Variants in EIF2S2 observed in about 807,000 individuals in gnomAD.
The protein encoded by EIF2S2 is eukaryotic translation initiation factor 2 subunit 2.
In EIF2S2, 4 loss-of-function variants were observed where a neutral mutation model predicts 44.0. The observed-to-expected ratio is 0.09, with a 90% CI of 0.04 to 0.21. EIF2S2 has a LOEUF of 0.21. EIF2S2 is among the 10% of genes least tolerant of loss of function. EIF2S2 has a pLI of 1.00. For synonymous variants in EIF2S2, 108 were observed against 128.3 expected, an observed-to-expected ratio of 0.84 and a Z score of 1.07; for missense variants, 154 against 392.0, an observed-to-expected ratio of 0.39 and a Z score of 5.13.
At chr20:34,099,218 A>T (rs951052890) in intron 3 of EIF2S2, among the ~76,000 whole-genome samples, 17 of 152,048 alleles carry the variant, frequency 1.1e-4, no homozygotes, top group African/African-American at 3.9e-4. Flanking sequence ...AAGATACAAA[A>T]ATTAGCTGGA....
At chr20:34,099,142 G>A (rs894565515) in intron 3 of EIF2S2, among the ~76,000 whole-genome samples, 3 of 152,204 alleles carry the variant, frequency 2.0e-5, no homozygotes, top group African/African-American at 7.2e-5. Context: ...CGTCGAGGCA[G>A]GTGGATCCCT....
At position 34,112,156 on chromosome 20, in the gene EIF2S2, T is replaced by A. The variant is rs913433641; in HGVS notation, c.-46A>T. 6.6e-7 allele frequency: 1 copy of A among 1,518,948 alleles called. No individual in the cohort carries two copies. The highest frequency in any genetic ancestry group is 8.9e-7 in the Non-Finnish European group (1 of 1,127,178). The allele number at this position is 1,518,948 out of a possible 1,614,324, so 94.1% of individuals were successfully genotyped here. On this transcript the variant is annotated 5_prime_UTR_variant, in exon 1 of 9. Transcript: ENST00000374980. ...CGGCACGGACGGGAAGTCAGACGGGTCAGCCCCAGGCCCCGGCGGCAGCGC... is the reference window on the plus strand; with the variant it reads ...CGGCACGGACGGGAAGTCAGACGGGACAGCCCCAGGCCCCGGCGGCAGCGC...
At chr20:34,090,646 C>G (rs2122386984) in intron 7 of EIF2S2, 44 bp from the exon 8 acceptor site, 3 of 1,184,190 alleles carry the variant, frequency 2.5e-6, no homozygotes, top group East Asian at 2.6e-5. Context: ...TTGTTTTTTC[C>G]TAAAGGAACC....
chr20:34,103,182 C>T (rs1170161508), intron 3 of EIF2S2, among the ~76,000 whole-genome samples: 1 of 152,174 alleles, frequency 6.6e-6, no homozygotes, highest in African/African-American at 2.4e-5. Context: ...AATAGTTCTC[C>T]ACAGCCAAAA....
At chr20:34,091,386 C>G (rs1313870241) in intron 7 of EIF2S2, among the ~76,000 whole-genome samples, 1 of 152,170 alleles carries the variant, frequency 6.6e-6, no homozygotes. Context: ...ATTGTGGTAG[C>G]AGTTATACAT....
intron 6 of EIF2S2, among the ~76,000 whole-genome samples, chr20:34,095,447 G>T (rs1217177068): frequency 2.0e-5 from 3 of 152,052 alleles, no homozygotes; most frequent in African/African-American, 7.2e-5. Flanking sequence ...CGAGTAGCGG[G>T]ATTACAGGCA....
chr20:34,112,194 T>C lies in EIF2S2; in HGVS notation c.-84A>G, dbSNP rs945260246. The C allele has an allele frequency of 3.5e-6, 5 of 1,421,256 alleles. No individual in the cohort carries two copies. Among genetic ancestry groups the C allele is most frequent in the Non-Finnish European group, 4.7e-6 (5 of 1,055,332 alleles). 88.0% of individuals were successfully genotyped at this position (1,421,256 alleles called of 1,614,324 possible). A position where few individuals can be genotyped will look rare whatever the true frequency, so the allele number is the denominator to read the frequency against. On this transcript the variant is annotated 5_prime_UTR_variant, in exon 1 of 9. Transcript: ENST00000374980. ...CCGGCGGCAGCGCTGCCCCTGCCGA[T>C]ACCTCTCCCACCACCGCACTAGGCT...
intron 3 of EIF2S2, among the ~76,000 whole-genome samples, chr20:34,101,697 C>CA (rs2034297734): frequency 7.5e-6 from 1 of 133,336 alleles, no homozygotes; most frequent in Non-Finnish European, 1.6e-5. Context: ...TTTTTTGAGA[C>CA]AGAGTCTCGC....
intron 2 of EIF2S2, among the ~76,000 whole-genome samples, chr20:34,104,563 C>A (rs901008315): frequency 1.3e-5 from 2 of 152,188 alleles, no homozygotes; most frequent in Non-Finnish European, 2.9e-5. Flanking sequence ...AAAGGCCTAA[C>A]AAATTATTTC....
chr20:34,111,036 A>C (rs534504440), intron 1 of EIF2S2, among the ~76,000 whole-genome samples: 10 of 152,344 alleles, frequency 6.6e-5, no homozygotes, highest in African/African-American at 2.4e-4. Context: ...CCTATTTTAC[A>C]GGACTGTTGT....
intron 1 of EIF2S2, chr20:34,108,185 T>A (rs2034370513): frequency 6.6e-6 from 1 of 152,144 alleles, no homozygotes; most frequent in South Asian, 2.1e-4. Context: ...ATGGCAAGGA[T>A]CCTGATATCA....
intron 1 of EIF2S2, among the ~76,000 whole-genome samples, chr20:34,107,925 C>T (rs2034367846): frequency 6.6e-6 from 1 of 152,100 alleles, no homozygotes; most frequent in Admixed American, 6.6e-5. Flanking sequence ...AAGAAGTGTC[C>T]CTACCAAGAT....
At chr20:34,097,892 G>A (rs527525552) in intron 4 of EIF2S2, among the ~76,000 whole-genome samples, 1 of 152,238 alleles carries the variant, frequency 6.6e-6, no homozygotes, top group African/African-American at 2.4e-5. Context: ...GTTCTCTAAA[G>A]ACCCTATAGC....
intron 7 of EIF2S2, among the ~76,000 whole-genome samples, chr20:34,091,091 G>T (rs1290725725): frequency 6.6e-6 from 1 of 152,034 alleles, no homozygotes; most frequent in East Asian, 1.9e-4. Context: ...GTCTAATGAT[G>T]TACCCATACT....
chr20:34,106,053 C>G (rs887896469), intron 1 of EIF2S2, among the ~76,000 whole-genome samples: 3 of 152,120 alleles, frequency 2.0e-5, no homozygotes, highest in African/African-American at 7.2e-5. Context: ...CCCCAAGTAG[C>G]TGGGACCACA....
rs889076719 is a variant in EIF2S2, at chr20:34,112,241, G to A, written c.-131C>T. The A allele has an allele frequency of 6.6e-6, 7 of 1,055,702 alleles. No individual in the cohort carries two copies. Among genetic ancestry groups the A allele is most frequent in the Non-Finnish European group, 8.9e-6 (7 of 786,862 alleles). 65.4% of individuals were successfully genotyped at this position (1,055,702 alleles called of 1,614,324 possible). ...GGCTCTTGCATCAGCGAAAGGAAAC[G>A]ACACCCCGCCCTCTCCTCCAAGCGT... On this transcript the variant is annotated 5_prime_UTR_variant, in exon 1 of 9. Coordinates refer to ENST00000374980, the MANE Select transcript of EIF2S2 (RefSeq NM_003908.5).
Position 34,098,514 on chromosome 20 carries a change from T to C in EIF2S2, c.417A>G (p.Ile139Met). Residue 139 changes from isoleucine (I) to methionine (M), a missense_variant, in exon 4 of 9, where the codon ATA (isoleucine) becomes ATG (methionine). Physicochemically the swap from Ile to Met is conservative, Grantham distance 10. Around this residue, in one of 2 missense-constraint regions of EIF2S2, gnomAD observed 134 missense variants for 225.0 expected, o/e 0.60. Coordinates refer to ENST00000374980, the MANE Select transcript of EIF2S2 (RefSeq NM_003908.5). ...KNVKFPDEDE[I>M]LEKDEALEDE... ...CAGCATTACCTTCATCTTTCTCTAG[T>C]ATTTCATCCTCATCTGGGAACTTAA... The C allele has an allele frequency of 2.5e-6, 4 of 1,613,612 alleles. No individual in the cohort carries two copies. Among genetic ancestry groups the C allele is most frequent in the Non-Finnish European group, 2.5e-6 (3 of 1,179,882 alleles).
At chr20:34,095,468 C>T (rs1438119466) in intron 6 of EIF2S2, among the ~76,000 whole-genome samples, 6 of 152,170 alleles carry the variant, frequency 3.9e-5, no homozygotes, top group Admixed American at 3.3e-4. Flanking sequence ...CGTGCCACCA[C>T]GCCTGACTTA....
Sources: allele counts gnomAD v4.1 joint callset (sites outside exome capture counted in the v4.1 genomes callset), GRCh38; gene constraint gnomAD v4.1.1; regional missense constraint gnomAD v4.1.1; transcripts MANE v1.5; gene names NCBI Gene and HGNC (gene_info 2026-07-23, HGNC 2026-07-21).